The following DNAH17 variants were observed in gnomAD, a reference collection of about 807,000 sequenced individuals.
DNAH17 encodes dynein axonemal heavy chain 17, also known as axonemal beta dynein heavy chain 17.
DNAH17 carries 376 observed loss-of-function variants against 485.6 expected under a neutral mutation model. The observed-to-expected ratio is 0.77, with a 90% CI of 0.71 to 0.84. The LOEUF is 0.84. Among genes scored for constraint, DNAH17 ranks in the 40% least tolerant of loss-of-function variants. The pLI, the probability that DNAH17 is intolerant of heterozygous loss-of-function variation, is 0.00. For missense variants in DNAH17, 6,370 were observed against 5,839.3 expected (o/e 1.09, Z -2.96); for synonymous variants, 3,031 against 2,405.9 (o/e 1.26, Z -7.60).
chr17:78,510,490 G>A lies in DNAH17; in HGVS notation c.4130C>T (p.Ser1377Leu). The A allele has an allele frequency of 6.2e-7, 1 of 1,613,842 alleles. No individual in the cohort carries two copies. Among genetic ancestry groups the A allele is most frequent in the South Asian group, 1.1e-5 (1 of 91,078 alleles). ...TAAATCTGCCAGGGTCGTCTCTTCT[G>A]ACATTTTAAATTTCACCTAAGGGAA... ...MQATQVKFKM[S>L]EETTLADLLQ... The change falls in exon 27 of 81, where the codon TCA (serine) becomes TTA (leucine). Residue 1377 changes from serine to leucine, a missense_variant. By Grantham distance (145) the Ser-to-Leu change is moderately radical (BLOSUM62 -2). Coordinates refer to ENST00000389840, the MANE Select transcript of DNAH17 (RefSeq NM_173628.4).
At chr17:78,468,951 A>G (rs1052520371) in intron 54 of DNAH17, 68 bp from the exon 55 acceptor site, 2 of 1,541,482 alleles carry the variant, frequency 1.3e-6, no homozygotes, top group Non-Finnish European at 1.7e-6. Context: ...ATCCTCCACA[A>G]CCAACCAGAG....
intron 1 of DNAH17, among the ~76,000 whole-genome samples, chr17:78,576,940 C>T (rs560787473): frequency 2.0e-4 from 30 of 152,306 alleles, no homozygotes; most frequent in African/African-American, 6.7e-4. Context: ...CCAGGCCATG[C>T]TTCCGGAGGG....
intron 22 of DNAH17, among the ~76,000 whole-genome samples, chr17:78,527,248 G>T (rs974323504): frequency 2.6e-5 from 4 of 152,030 alleles, no homozygotes; most frequent in Admixed American, 2.6e-4. Context: ...TTAGCTGGGC[G>T]TGATGATATG....
chr17:78,536,740 T>C (rs190770366), intron 19 of DNAH17, among the ~76,000 whole-genome samples: 71 of 151,320 alleles, frequency 4.7e-4, no homozygotes, highest in African/African-American at 1.6e-3. Context: ...CCTCTTGGCA[T>C]CGTGTCGGGG....
rs1272651662 is a variant in DNAH17 at position 78,427,062 on chromosome 17, A to G, written c.12635T>C (p.Phe4212Ser). 6.3e-7 allele frequency: 1 copy of G among 1,596,166 alleles called. No individual in the cohort carries two copies. Residue 4212 changes from phenylalanine to serine, a missense_variant, in exon 78 of 81, where the codon TTC (phenylalanine) becomes TCC (serine). By Grantham distance (155) the Phe-to-Ser change is radical (BLOSUM62 -2). Coordinates refer to ENST00000389840, the MANE Select transcript of DNAH17 (RefSeq NM_173628.4). ...DDILEKIPET[F>S]NMAEIMAKAA... Reference sequence around the variant, plus strand: ...CTTTGCCATGATCTCAGCCATGTTGAAAGTCTCCGGAATCTTCTCCAGGAT... The same window carrying G: ...CTTTGCCATGATCTCAGCCATGTTGGAAGTCTCCGGAATCTTCTCCAGGAT...
chr17:78,522,388 CT>C, intron 25 of DNAH17: 1 of 282,818 alleles, frequency 3.5e-6, no homozygotes. Flanking sequence ...GGAAGAGGGA[CT>C]TTTTAATATG....
intron 42 of DNAH17, 132 bp from the exon 43 acceptor site, chr17:78,491,702 G>T: frequency 7.2e-7 from 1 of 1,386,644 alleles, no homozygotes; most frequent in Non-Finnish European, 9.5e-7. Context: ...AGAGGCCCTC[G>T]GGCATGAGGT....
intron 27 of DNAH17, 66 bp downstream of exon 27, chr17:78,510,318 G>T (rs1015341104): frequency 3.1e-6 from 5 of 1,587,882 alleles, no homozygotes; most frequent in African/African-American, 1.3e-5. Context: ...GGCGCTCTCA[G>T]TGGTTGGAGG....
intron 52 of DNAH17, 123 bp from the exon 53 acceptor site, chr17:78,475,956 G>A: frequency 8.9e-7 from 1 of 1,122,164 alleles, no homozygotes; most frequent in Non-Finnish European, 1.2e-6. Flanking sequence ...CCCAGGCCAA[G>A]TCTCCAGGGG....
chr17:78,440,950 G>A, intron 72 of DNAH17, 101 bp downstream of exon 72: 5 of 1,405,414 alleles, frequency 3.6e-6, no homozygotes, highest in Non-Finnish European at 3.9e-6. Flanking sequence ...CGTCTTGGGT[G>A]TGAAGTGGTG....
At chr17:78,440,660 G>A (rs1275623305) in intron 72 of DNAH17, among the ~76,000 whole-genome samples, 1 of 152,178 alleles carries the variant, frequency 6.6e-6, no homozygotes, top group African/African-American at 2.4e-5. Flanking sequence ...CATTTGGGTT[G>A]TTTCTGCCTT....
Position 78,530,398 on chromosome 17 carries a change from T to C in DNAH17, c.3229A>G (p.Ile1077Val). ...TTGAACATGAAGCCCCAGCGCCGGA[T>C]TGTGCTGAGCAGGGCCTGCTTGAAG... ...RPFKQALLST[I>V]RRWGFMFKRH... The change falls in exon 21 of 81, where the codon ATC (isoleucine) becomes GTC (valine). Residue 1077 changes from isoleucine to valine, a missense_variant. Ile to Val is a conservative substitution (Grantham distance 29). Coordinates refer to ENST00000389840, the MANE Select transcript of DNAH17 (RefSeq NM_173628.4). 6.2e-7 allele frequency: 1 copy of C among 1,613,558 alleles called. No individual in the cohort carries two copies. The highest frequency in any genetic ancestry group is 8.5e-7 in the Non-Finnish European group (1 of 1,179,668).
At chr17:78,435,100 G>A (rs769434131) in intron 74 of DNAH17, among the ~76,000 whole-genome samples, 1 of 152,178 alleles carries the variant, frequency 6.6e-6, no homozygotes, top group Non-Finnish European at 1.5e-5. Context: ...TGGCTGCCTG[G>A]GACAGAGACG....
At chr17:78,430,100 C>A (rs557725532) in intron 75 of DNAH17, among the ~76,000 whole-genome samples, 2 of 152,230 alleles carry the variant, frequency 1.3e-5, no homozygotes, top group African/African-American at 2.4e-5. Flanking sequence ...CTGGAACATT[C>A]TTCTTCCTAC....
chr17:78,486,307 G>A lies in DNAH17; in HGVS notation c.7018C>T (p.Pro2340Ser). The change falls in exon 45 of 81, where the codon CCC (proline) becomes TCC (serine). Residue 2340 changes from proline (P) to serine (S), a missense_variant. Coordinates refer to ENST00000389840, the MANE Select transcript of DNAH17 (RefSeq NM_173628.4). ...ECLLTEKTVP[P>S]DSPRELYELY... ...TCGTACAGCTCCCTGGGGGAGTCGGGGGGCACGGTCTTCTCCGTGAGCAGG... is the reference window on the plus strand; with the variant it reads ...TCGTACAGCTCCCTGGGGGAGTCGGAGGGCACGGTCTTCTCCGTGAGCAGG... 2 of 1,613,292 alleles carry A rather than the reference G, an allele frequency of 1.2e-6. No homozygotes were observed. The highest frequency in any genetic ancestry group is 1.7e-6 in the Non-Finnish European group (2 of 1,179,360).
intron 14 of DNAH17, among the ~76,000 whole-genome samples, chr17:78,553,383 T>C (rs1340676726): frequency 7.3e-6 from 1 of 136,932 alleles, no homozygotes; most frequent in African/African-American, 2.7e-5. Flanking sequence ...CTCACTGCAA[T>C]CTCTGCCTCC....
Position 78,566,655 on chromosome 17 carries a change from G to A in DNAH17, c.1528C>T (p.Gln510Ter). 6.2e-7 allele frequency: 1 copy of A among 1,610,982 alleles called. No homozygotes were observed. Among genetic ancestry groups the A allele is most frequent in the Non-Finnish European group, 8.5e-7 (1 of 1,178,674 alleles). Residue 510 changes from glutamine (Q) to a stop codon, truncating the protein, a stop_gained, in exon 11 of 81, where the codon CAA becomes TAA. Transcript: ENST00000389840. LOFTEE classifies it high-confidence loss of function. ...ATACAGCTGCAGTCATCAAATCCTT[G>A]GCAAAAGATCGTGGCCAGCCTCCTA... Reference protein sequence around the residue: ...LDRRLATIFCQGFDDCSCIKS... With the variant: ...LDRRLATIFC
intron 75 of DNAH17, among the ~76,000 whole-genome samples, chr17:78,432,743 G>A (rs2086719795): frequency 6.6e-6 from 1 of 152,094 alleles, no homozygotes; most frequent in African/African-American, 2.4e-5. Flanking sequence ...ACAAGGAGAT[G>A]GAAAAAAGGA....
Position 78,548,353 on chromosome 17 carries a change from C to T in DNAH17, c.2391+3182G>A, listed in dbSNP as rs1037455361. 1.1e-4 allele frequency among the ~76,000 whole-genome samples: 16 copies of T among 151,920 alleles called. No individual in the cohort carries two copies. In the East Asian group the frequency reaches 2.3e-3, roughly 22 times the overall value. On this transcript the variant is annotated intron_variant, in intron 16 of 80. Transcript: ENST00000389840. ...CCAAGTAGCTGGAACTACAGGCGCC[C>T]GCCACTACACCTGGCTAATTTTTTG...
Sources: allele counts gnomAD v4.1 joint callset (sites outside exome capture counted in the v4.1 genomes callset), GRCh38; gene constraint gnomAD v4.1.1; transcripts MANE v1.5; gene names NCBI Gene and HGNC (gene_info 2026-07-23, HGNC 2026-07-21).